PPFIA2: variants seen among roughly 807,000 people sequenced by gnomAD.
PPFIA2 encodes PPFI scaffold protein A2.
Under a neutral mutation model 175.5 loss-of-function variants are expected in PPFIA2, and 46 were observed. That is an observed-to-expected ratio of 0.26 (90% confidence interval 0.21 to 0.34). PPFIA2 has a LOEUF of 0.34. PPFIA2 is among the 10% of genes least tolerant of loss of function. The probability of loss-of-function intolerance (pLI) is 1.00; values close to 1 mark genes in which losing one functional copy is unlikely to be tolerated. For synonymous variants in PPFIA2, 568 were observed against 511.4 expected (o/e 1.11, Z -1.49); for missense variants, 1,179 against 1,506.1 (o/e 0.78, Z 3.60).
At chr12:81,440,616 A>C (rs1012510818) in intron 6 of PPFIA2, among the ~76,000 whole-genome samples, 22 of 151,970 alleles carry the variant, frequency 1.4e-4, no homozygotes, top group Admixed American at 9.2e-4. Context: ...GTATCTTGGA[A>C]TTTCCAACTA....
rs996440915 is a variant in PPFIA2 at position 81,325,736 on chromosome 12, T to G, written c.2642+41A>C. ...TTCCCTATAAATAATAATAAGGAAT[T>G]GATAAAAGTTAGAAAAAGAGGGAAA... On this transcript the variant is annotated intron_variant, in intron 22 of 32. Coordinates refer to ENST00000549396, the MANE Select transcript of PPFIA2 (RefSeq NM_003625.5). The G allele has an allele frequency of 5.2e-6, 7 of 1,355,076 alleles. No homozygotes were observed. The African/African-American group carries it at 1.0e-4, about 20-fold the overall frequency. The allele number at this position is 1,355,076 out of a possible 1,614,324, so 83.9% of individuals were successfully genotyped here. A position where few individuals can be genotyped will look rare whatever the true frequency, so the allele number is the denominator to read the frequency against.
At chr12:81,267,047 T>C in intron 29 of PPFIA2, 27 bp from the exon 30 acceptor site, 8 of 1,474,034 alleles carry the variant, frequency 5.4e-6, no homozygotes, top group Non-Finnish European at 7.6e-6. Context: ...ACAGTTACCA[T>C]CACCGAAATC....
rs574200424 is a variant in PPFIA2, at chr12:81,511,218, A to G, written c.304-53352T>C. 3.3e-5 allele frequency among the ~76,000 whole-genome samples: 5 copies of G among 152,138 alleles called. 1 individual carries two copies. In the South Asian group the frequency reaches 1.0e-3, roughly 31 times the overall value. ...TTTGACCCATATCTGGGCATTTTCC[A>G]ATAGTGTCAAGAGACATCATTTACA... On this transcript the variant is annotated intron_variant, in intron 4 of 32. Transcript: ENST00000549396.
intron 4 of PPFIA2, among the ~76,000 whole-genome samples, chr12:81,530,644 T>C (rs938585044): frequency 6.6e-6 from 1 of 151,664 alleles, no homozygotes. Flanking sequence ...CCACAATCTC[T>C]AGTTGAAAAG....
intron 7 of PPFIA2, among the ~76,000 whole-genome samples, chr12:81,428,087 A>C (rs2047457945): frequency 1.3e-5 from 2 of 151,990 alleles, no homozygotes; most frequent in Non-Finnish European, 2.9e-5. Context: ...ATAAGAATAA[A>C]TATGGGTAAA....
At chr12:81,592,496 G>A (rs1477190170) in intron 4 of PPFIA2, among the ~76,000 whole-genome samples, 1 of 152,108 alleles carries the variant, frequency 6.6e-6, no homozygotes, top group Admixed American at 6.5e-5. Flanking sequence ...TACATGTTGT[G>A]GAAGGAACCC....
chr12:81,299,296 C>T lies in PPFIA2; in HGVS notation c.2724+5G>A, dbSNP rs1196738124. The T allele has an allele frequency of 6.3e-7, 1 of 1,588,060 alleles. No individual in the cohort carries two copies. The highest frequency in any genetic ancestry group is 8.6e-7 in the Non-Finnish European group (1 of 1,166,132). ...TTCAAGGGCCTCCTAGTTTCATTCT[C>T]TTACCTCTAGCCATGCGACCACAGT... On this transcript the variant is annotated splice_donor_5th_base_variant and intron_variant, in intron 23 of 32. Coordinates refer to ENST00000549396, the MANE Select transcript of PPFIA2 (RefSeq NM_003625.5).
At chr12:81,586,319 A>G (rs759558290) in intron 4 of PPFIA2, among the ~76,000 whole-genome samples, 3 of 151,836 alleles carry the variant, frequency 2.0e-5, no homozygotes, top group African/African-American at 4.8e-5. Flanking sequence ...TTGCTTTTTG[A>G]TATAACTTAA....
At chr12:81,665,564 A>C (rs1655573733) in intron 4 of PPFIA2, among the ~76,000 whole-genome samples, 1 of 152,062 alleles carries the variant, frequency 6.6e-6, no homozygotes, top group Non-Finnish European at 1.5e-5. Context: ...ATAGATGCTT[A>C]AGTAGTTCTA....
intron 4 of PPFIA2, among the ~76,000 whole-genome samples, chr12:81,524,625 C>T (rs2063532297): frequency 6.6e-6 from 1 of 152,256 alleles, no homozygotes; most frequent in African/African-American, 2.4e-5. Context: ...TGAGTCTCAT[C>T]CATATCTGAT....
intron 4 of PPFIA2, among the ~76,000 whole-genome samples, chr12:81,559,264 G>T (rs1268369406): frequency 6.6e-6 from 1 of 152,200 alleles, no homozygotes; most frequent in Non-Finnish European, 1.5e-5. Flanking sequence ...AGGAATGTGG[G>T]TGTGGTAGAA....
At chr12:81,459,098 G>A (rs2054081499) in intron 4 of PPFIA2, among the ~76,000 whole-genome samples, 1 of 152,156 alleles carries the variant, frequency 6.6e-6, no homozygotes, top group Non-Finnish European at 1.5e-5. Flanking sequence ...CAGCCCAAGT[G>A]AGTACTTCAA....
intron 8 of PPFIA2, among the ~76,000 whole-genome samples, chr12:81,399,860 A>G (rs768987224): frequency 2.6e-5 from 4 of 152,178 alleles, no homozygotes; most frequent in Non-Finnish European, 4.4e-5. Context: ...TGTGAGTGCA[A>G]TCCATTTGTA....
chr12:81,395,522 A>T (rs561071271), intron 8 of PPFIA2, among the ~76,000 whole-genome samples: 6 of 150,492 alleles, frequency 4.0e-5, no homozygotes, highest in East Asian at 2.0e-4. Context: ...TAGAACCAAG[A>T]TCTGTCTCTG....
chr12:81,494,262 C>T (rs1177603317), intron 4 of PPFIA2, among the ~76,000 whole-genome samples: 1 of 151,870 alleles, frequency 6.6e-6, no homozygotes, highest in African/African-American at 2.4e-5. Flanking sequence ...AAACAAACAA[C>T]CCCATCAAAA....
At chr12:81,636,327 G>A (rs2064027777) in intron 4 of PPFIA2, among the ~76,000 whole-genome samples, 2 of 148,152 alleles carry the variant, frequency 1.3e-5, no homozygotes, top group South Asian at 4.3e-4. Flanking sequence ...GTGCAGTGGC[G>A]GGATCTCGGC....
At chr12:81,492,387 C>T (rs1567047345) in intron 4 of PPFIA2, among the ~76,000 whole-genome samples, 1 of 152,030 alleles carries the variant, frequency 6.6e-6, no homozygotes, top group African/African-American at 2.4e-5. Flanking sequence ...AGGGAGCTTA[C>T]ATCCTTGCAG....
intron 4 of PPFIA2, among the ~76,000 whole-genome samples, chr12:81,614,038 C>A (rs1018015014): frequency 2.6e-5 from 4 of 152,024 alleles, no homozygotes; most frequent in African/African-American, 9.7e-5. Context: ...ATATTCTAAC[C>A]ACCAAACTAT....
intron 7 of PPFIA2, among the ~76,000 whole-genome samples, chr12:81,423,058 T>C (rs2046566002): frequency 6.6e-6 from 1 of 152,000 alleles, no homozygotes; most frequent in Non-Finnish European, 1.5e-5. Flanking sequence ...ACATACAATC[T>C]GCCAATACTG....
Sources: gnomAD v4.1 joint callset for allele counts (sites outside exome capture counted in the v4.1 genomes callset) on GRCh38, gnomAD v4.1.1 for gene constraint, MANE v1.5 for transcripts, NCBI Gene and HGNC (gene_info 2026-07-23, HGNC 2026-07-21) for gene names.